DPYD: variants seen among roughly 807,000 people sequenced by gnomAD.
DPYD encodes dihydropyrimidine dehydrogenase.
DPYD carries 109 observed loss-of-function variants against 116.2 expected under a neutral mutation model. That is an observed-to-expected ratio of 0.94 (90% confidence interval 0.80 to 1.10). DPYD has a LOEUF of 1.10. DPYD is among the 50% of genes least tolerant of loss of function. DPYD has a pLI of 0.00. For missense variants in DPYD, 1,302 were observed against 1,254.5 expected (o/e 1.04, Z -0.57); for synonymous variants, 440 against 432.0 (o/e 1.02, Z -0.23).
chr1:97,079,117 CA>C lies in DPYD; in HGVS notation c.2936del (p.Leu979ArgfsTer4), dbSNP rs1231835017. ...QAIQFDPETH[L>X]PTITDTCTGC... ...CTGTACAAGTGTCGGTTATGGTGGGCAGGTGGGTTTCTGGATCAAACTGTAT... is the reference window on the plus strand; with the variant it reads ...CTGTACAAGTGTCGGTTATGGTGGGCGGTGGGTTTCTGGATCAAACTGTAT... On this transcript the variant is annotated frameshift_variant, in exon 23 of 23. Transcript: ENST00000370192. LOFTEE classifies it high-confidence loss of function. The C allele has an allele frequency of 6.2e-7, 1 of 1,613,536 alleles. No homozygotes were observed. Among genetic ancestry groups the C allele is most frequent in the East Asian group, 2.2e-5 (1 of 44,854 alleles).
intron 18 of DPYD, among the ~76,000 whole-genome samples, chr1:97,253,023 G>GA (rs1235053122): frequency 6.6e-6 from 1 of 151,970 alleles, no homozygotes; most frequent in East Asian, 1.9e-4. Flanking sequence ...AAAAGTTTCA[G>GA]AAAAAAATGA....
chr1:97,493,738 G>C (rs1337164726), intron 13 of DPYD, among the ~76,000 whole-genome samples: 1 of 152,112 alleles, frequency 6.6e-6, no homozygotes, highest in Non-Finnish European at 1.5e-5. Context: ...TTAAAAAGAG[G>C]CCCACAGCAA....
At chr1:97,506,982 T>A (rs1411574046) in intron 13 of DPYD, among the ~76,000 whole-genome samples, 1 of 151,996 alleles carries the variant, frequency 6.6e-6, no homozygotes, top group Non-Finnish European at 1.5e-5. Context: ...AAGATTTAGC[T>A]TCAATATTGA....
At chr1:97,263,045 A>G (rs1260563484) in intron 18 of DPYD, among the ~76,000 whole-genome samples, 4 of 152,088 alleles carry the variant, frequency 2.6e-5, no homozygotes, top group African/African-American at 7.2e-5. Flanking sequence ...AACAAGCTTG[A>G]TCTTGATTGC....
At chr1:97,115,597 C>A (rs573420348) in intron 20 of DPYD, among the ~76,000 whole-genome samples, 2 of 152,244 alleles carry the variant, frequency 1.3e-5, no homozygotes, top group African/African-American at 4.8e-5. Flanking sequence ...CTACAGTGAG[C>A]ACACACTACT....
intron 13 of DPYD, among the ~76,000 whole-genome samples, chr1:97,473,911 C>T (rs770005083): frequency 2.7e-5 from 4 of 150,828 alleles, no homozygotes; most frequent in Non-Finnish European, 5.9e-5. Flanking sequence ...ACTTGGGAGG[C>T]TGAGGTGGGA....
chr1:97,658,224 T>A (rs1026870103), intron 8 of DPYD, among the ~76,000 whole-genome samples: 6 of 152,302 alleles, frequency 3.9e-5, no homozygotes, highest in Admixed American at 3.9e-4. Context: ...TATCTAAATA[T>A]ATATTTCCTA....
At chr1:97,450,290 T>G (rs1676341300) in intron 13 of DPYD, 67 bp from the exon 14 acceptor site, 2 of 1,555,436 alleles carry the variant, frequency 1.3e-6, no homozygotes, top group Non-Finnish European at 1.8e-6. Context: ...TATTATCTGC[T>G]CATTTCCATA....
At chr1:97,357,588 A>G (rs560743910) in intron 16 of DPYD, among the ~76,000 whole-genome samples, 1 of 152,122 alleles carries the variant, frequency 6.6e-6, no homozygotes, top group Non-Finnish European at 1.5e-5. Context: ...TGTTACATGG[A>G]TATATTGCAT....
At chr1:97,564,288 A>G (rs1652368510) in intron 11 of DPYD, among the ~76,000 whole-genome samples, 1 of 152,148 alleles carries the variant, frequency 6.6e-6, no homozygotes, top group Non-Finnish European at 1.5e-5. Context: ...AATATTTACC[A>G]TCAGGAAATC....
chr1:97,211,396 C>A (rs1459626062), intron 19 of DPYD, among the ~76,000 whole-genome samples: 1 of 152,160 alleles, frequency 6.6e-6, no homozygotes, highest in Non-Finnish European at 1.5e-5. Flanking sequence ...TTACCACTAT[C>A]TGACATTTTT....
chr1:97,134,726 T>G (rs1481280725), intron 20 of DPYD, among the ~76,000 whole-genome samples: 1 of 152,142 alleles, frequency 6.6e-6, no homozygotes, highest in African/African-American at 2.4e-5. Context: ...AGCAGAGAAT[T>G]TTTACTACAT....
intron 13 of DPYD, among the ~76,000 whole-genome samples, chr1:97,462,455 C>A (rs1189529384): frequency 6.6e-6 from 1 of 151,840 alleles, no homozygotes; most frequent in Admixed American, 6.6e-5. Flanking sequence ...TGAATAGGCC[C>A]CCTCCTCTCA....
chr1:97,549,790 C>A, intron 11 of DPYD, 46 bp from the exon 12 acceptor site: 2 of 1,498,530 alleles, frequency 1.3e-6, no homozygotes, highest in South Asian at 1.2e-5. Context: ...AGTCAACAGA[C>A]AATTCCATAA....
In DPYD at chr1:97,078,459, A is replaced by AT. The variant is rs1473071710; in HGVS notation, c.*516dup. The AT allele has an allele frequency of 5.7e-6, 1 of 173,938 alleles. No homozygotes were observed. The highest frequency in any genetic ancestry group is 1.2e-5 in the Non-Finnish European group (1 of 80,686). 10.8% of individuals were successfully genotyped at this position (173,938 alleles called of 1,614,324 possible). A position where few individuals can be genotyped will look rare whatever the true frequency, so the allele number is the denominator to read the frequency against. ...CTTTCTTATCCTGCCATAGCAAATAATTTTTTGACTTTCTTCATTTGTACT... is the reference window on the plus strand; with the variant it reads ...CTTTCTTATCCTGCCATAGCAAATAATTTTTTTGACTTTCTTCATTTGTACT... On this transcript the variant is annotated 3_prime_UTR_variant, in exon 23 of 23. Coordinates refer to ENST00000370192, the MANE Select transcript of DPYD (RefSeq NM_000110.4).
chr1:97,547,587 GGCATCTCCCTAGAT>G (rs1650996885), intron 12 of DPYD, among the ~76,000 whole-genome samples: 1 of 151,750 alleles, frequency 6.6e-6, no homozygotes, highest in Non-Finnish European at 1.5e-5. Context: ...TTTTAGATTT[GGCATCTCCCTAGAT>G]GCTATTTCCT....
chr1:97,415,312 A>G (rs893596778), intron 14 of DPYD, among the ~76,000 whole-genome samples: 14 of 152,182 alleles, frequency 9.2e-5, no homozygotes, highest in Non-Finnish European at 1.9e-4. Flanking sequence ...TCCAGCCTCA[A>G]TGAAATAACA....
rs182775340 is a variant in DPYD at position 97,794,371 on chromosome 1, C to T, written c.233+33743G>A. 2.0e-4 allele frequency among the ~76,000 whole-genome samples: 30 copies of T among 151,248 alleles called. 1 individual carries two copies. The East Asian group carries it at 4.8e-3, about 24-fold the overall frequency. On this transcript the variant is annotated intron_variant, in intron 3 of 22. Transcript: ENST00000370192. The stretch of plus-strand genomic sequence containing the variant: ...AAAATAAATAATAACAGAAACAAGC[C>T]GACCAAAAAAAATAAACAAATGTCC...
chr1:97,884,031 T>C (rs1672365282), intron 1 of DPYD, among the ~76,000 whole-genome samples: 1 of 151,966 alleles, frequency 6.6e-6, no homozygotes, highest in Non-Finnish European at 1.5e-5. Flanking sequence ...AATGTTATCA[T>C]TGATATAATG....
Sources: allele counts gnomAD v4.1 joint callset (sites outside exome capture counted in the v4.1 genomes callset), GRCh38; gene constraint gnomAD v4.1.1; transcripts MANE v1.5; gene names NCBI Gene and HGNC (gene_info 2026-07-23, HGNC 2026-07-21).